FSTL4: variants seen among roughly 807,000 people sequenced by gnomAD.
The protein encoded by FSTL4 is follistatin like 4.
In FSTL4, 28 loss-of-function variants were observed where a neutral mutation model predicts 78.2. That is an observed-to-expected ratio of 0.36 (90% CI 0.27 to 0.49). The LOEUF (loss-of-function observed/expected upper bound fraction) is 0.49, where lower values mean the gene tolerates loss of function less well. Ranked by LOEUF, FSTL4 falls within the 20% of genes least tolerant of loss-of-function variation. The pLI is 0.98. For missense variants in FSTL4, 922 were observed against 1,084.9 expected (o/e 0.85, Z 2.11); for synonymous variants, 422 against 440.5 (o/e 0.96, Z 0.53).
At chr5:133,766,103 A>G in the FSTL4 span, among the ~76,000 whole-genome samples, 2 of 152,216 alleles carry the variant, frequency 1.3e-5, no homozygotes, top group Non-Finnish European at 2.9e-5. Context: ...GTAGGTGCTC[A>G]ATAAATGCTG....
chr5:133,709,961 GAGTTTA>G, the FSTL4 span, among the ~76,000 whole-genome samples: 1 of 152,190 alleles, frequency 6.6e-6, no homozygotes, highest in Admixed American at 6.5e-5. Flanking sequence ...AAAAGACACT[GAGTTTA>G]GGAAACTACC....
At chr5:133,238,857 C>T (rs1347381244) in intron 7 of FSTL4, among the ~76,000 whole-genome samples, 2 of 152,218 alleles carry the variant, frequency 1.3e-5, no homozygotes, top group Admixed American at 6.5e-5. Flanking sequence ...TGCTCGCTCT[C>T]GGAGCCTCCT....
the FSTL4 span, among the ~76,000 whole-genome samples, chr5:133,800,892 C>A: frequency 6.6e-6 from 1 of 152,198 alleles, no homozygotes; most frequent in Admixed American, 6.5e-5. Context: ...TATCTCTATT[C>A]CTGAGGGACT....
chr5:133,649,416 A>T, the FSTL4 span, among the ~76,000 whole-genome samples: 3 of 152,318 alleles, frequency 2.0e-5, no homozygotes, highest in South Asian at 2.1e-4. Context: ...AAGTTTTTTT[A>T]AAAAAGATAT....
chr5:133,726,719 C>T, the FSTL4 span, among the ~76,000 whole-genome samples: 1 of 152,090 alleles, frequency 6.6e-6, no homozygotes, highest in African/African-American at 2.4e-5. Flanking sequence ...AAAAGGATCC[C>T]GGCTGAATAA....
chr5:133,407,654 TG>T (rs1451644396), intron 3 of FSTL4, among the ~76,000 whole-genome samples: 12 of 152,244 alleles, frequency 7.9e-5, no homozygotes, highest in African/African-American at 2.9e-4. Context: ...TCAGGAGGCC[TG>T]TCAATTCTGC....
chr5:133,691,416 T>C, the FSTL4 span, among the ~76,000 whole-genome samples: 1 of 152,096 alleles, frequency 6.6e-6, no homozygotes, highest in East Asian at 1.9e-4. Context: ...CAGCTGGCAA[T>C]GTCCTGCCAG....
chr5:133,393,173 T>C (rs149563911), intron 4 of FSTL4, among the ~76,000 whole-genome samples: 2 of 145,964 alleles, frequency 1.4e-5, no homozygotes, highest in East Asian at 2.0e-4. Context: ...CCTAGTTGTT[T>C]TCACAGATGC....
chr5:133,556,243 AG>A (rs1187951451), intron 3 of FSTL4, among the ~76,000 whole-genome samples: 3 of 152,372 alleles, frequency 2.0e-5, no homozygotes, highest in African/African-American at 7.2e-5. Context: ...AGAGTACAAA[AG>A]GTCCTCATTT....
chr5:133,385,935 T>TG (rs1755690194), intron 4 of FSTL4, among the ~76,000 whole-genome samples: 1 of 150,278 alleles, frequency 6.7e-6, no homozygotes, highest in South Asian at 2.1e-4. Context: ...GTGTGTGTGT[T>TG]TTTTTTTTAA....
At position 133,600,219 on chromosome 5, in the gene FSTL4, A is replaced by G. The variant is rs1312013664; in HGVS notation, c.126+3639T>C. 2.6e-5 allele frequency among the ~76,000 whole-genome samples: 4 copies of G among 152,294 alleles called. No individual in the cohort carries two copies. In the South Asian group the frequency reaches 6.2e-4, roughly 24 times the overall value. The stretch of plus-strand genomic sequence containing the variant: ...AAGATATTCAATATTTTATTATAAA[A>G]TAGGCTTTGTGTTAGATGATTTTGC... On this transcript the variant is annotated intron_variant, in intron 2 of 15. Transcript: ENST00000265342.
At chr5:133,345,345 G>C (rs1431217989) in intron 4 of FSTL4, among the ~76,000 whole-genome samples, 1 of 152,076 alleles carries the variant, frequency 6.6e-6, no homozygotes, top group East Asian at 1.9e-4. Flanking sequence ...TGGGTAGATT[G>C]CAAAAATTTT....
At chr5:133,515,675 T>G (rs1758837274) in intron 3 of FSTL4, among the ~76,000 whole-genome samples, 1 of 146,320 alleles carries the variant, frequency 6.8e-6, no homozygotes, top group Admixed American at 6.6e-5. Context: ...AAATATCACC[T>G]GCTTTTTTTT....
chr5:133,345,977 G>C (rs990526430), intron 4 of FSTL4, among the ~76,000 whole-genome samples: 8 of 152,144 alleles, frequency 5.3e-5, no homozygotes, highest in African/African-American at 1.9e-4. Flanking sequence ...CGATAACAAA[G>C]ACTTGGAACC....
At chr5:133,344,120 A>G (rs1754648176) in intron 4 of FSTL4, among the ~76,000 whole-genome samples, 1 of 152,240 alleles carries the variant, frequency 6.6e-6, no homozygotes, top group South Asian at 2.1e-4. Flanking sequence ...GGCCTGAGAC[A>G]GCCTGTGAAA....
At chr5:133,251,119 G>A (rs13358732) in intron 6 of FSTL4, among the ~76,000 whole-genome samples, 2,549 of 152,274 alleles carry the variant, frequency 0.017, 79 homozygotes, top group African/African-American at 0.057. Flanking sequence ...TCCCATCTCC[G>A]AGTCATGAGG....
the FSTL4 span, among the ~76,000 whole-genome samples, chr5:133,726,271 A>G: frequency 2.0e-5 from 3 of 152,196 alleles, no homozygotes; most frequent in African/African-American, 7.2e-5. Context: ...TCAAGACCTT[A>G]CTGAGAACCC....
At chr5:133,700,402 C>T in the FSTL4 span, among the ~76,000 whole-genome samples, 1 of 151,634 alleles carries the variant, frequency 6.6e-6, no homozygotes, top group Non-Finnish European at 1.5e-5. Context: ...ACCAAACCAT[C>T]AGACCAAAGC....
chr5:133,225,318 C>T lies in FSTL4; in HGVS notation c.1178-34G>A. On this transcript the variant is annotated intron_variant, in intron 9 of 15. Coordinates refer to ENST00000265342, the MANE Select transcript of FSTL4 (RefSeq NM_015082.2). The surrounding 1 kb of genome is among the most constrained non-coding windows in gnomAD (Gnocchi z 4.6). ...AGGACAGTGCTCAGGGTGGACTGCT[C>T]AGCTGGAGACCCACTCACTTTCCTT... is the stretch of plus-strand genomic sequence containing the variant. 1.2e-6 allele frequency: 2 copies of T among 1,613,352 alleles called. No individual in the cohort carries two copies. The highest frequency in any genetic ancestry group is 4.5e-5 in the East Asian group (2 of 44,862).
Sources: allele counts gnomAD v4.1 joint callset (sites outside exome capture counted in the v4.1 genomes callset), GRCh38; gene constraint gnomAD v4.1.1; non-coding constraint Gnocchi (gnomAD v3.1); transcripts MANE v1.5; gene names NCBI Gene and HGNC (gene_info 2026-07-23, HGNC 2026-07-21).